The following SLIT3 variants were observed in gnomAD, a reference collection of about 807,000 sequenced individuals.
SLIT3 encodes the protein slit guidance ligand 3, also known as slit homolog 3 protein.
A neutral mutation model predicts 184.0 loss-of-function variants in SLIT3; 68 were observed. That is an observed-to-expected ratio of 0.37 (90% CI 0.30 to 0.45). The LOEUF is 0.45. SLIT3 is among the 20% of genes least tolerant of loss of function. The pLI is 1.00. For missense variants in SLIT3, 1,707 were observed against 2,026.0 expected, an observed-to-expected ratio of 0.84 and a Z score of 3.02; for synonymous variants, 831 against 828.6, an observed-to-expected ratio of 1.00 and a Z score of -0.05.
intron 5 of SLIT3, among the ~76,000 whole-genome samples, chr5:168,868,889 A>G (rs550586173): frequency 1.3e-5 from 2 of 152,310 alleles, no homozygotes; most frequent in African/African-American, 2.4e-5. Context: ...ATCACCAGCT[A>G]GCAAAACAGA....
At chr5:169,104,038 A>G (rs545128111) in intron 4 of SLIT3, among the ~76,000 whole-genome samples, 1 of 152,336 alleles carries the variant, frequency 6.6e-6, no homozygotes, top group South Asian at 2.1e-4. Flanking sequence ...CCAGTTCCAA[A>G]AACAATACTG....
chr5:169,191,741 T>C (rs1031605925), intron 4 of SLIT3, among the ~76,000 whole-genome samples: 1 of 152,096 alleles, frequency 6.6e-6, no homozygotes, highest in Non-Finnish European at 1.5e-5. Context: ...AGACCTGTTA[T>C]CACCACTTGA....
At chr5:168,825,304 T>C (rs1757662300) in intron 6 of SLIT3, among the ~76,000 whole-genome samples, 1 of 152,178 alleles carries the variant, frequency 6.6e-6, no homozygotes. Context: ...CAAGGGGACC[T>C]GTAACAATTC....
chr5:168,739,240 C>T lies in SLIT3; in HGVS notation c.2270+9062G>A, dbSNP rs185615539. Among the ~76,000 whole-genome samples, 41 of 152,186 alleles carry T rather than the reference C, an allele frequency of 2.7e-4. No homozygotes were observed. In the East Asian group the frequency reaches 6.6e-3, roughly 24 times the overall value. On this transcript the variant is annotated intron_variant, in intron 20 of 35. Transcript: ENST00000519560. Reference sequence around the variant, plus strand: ...TGCATGGGGAAAGTTCCATTCAAAGCGTAAGACAGATCGGTAGAGTTATGT... The same window carrying T: ...TGCATGGGGAAAGTTCCATTCAAAGTGTAAGACAGATCGGTAGAGTTATGT...
intron 3 of SLIT3, among the ~76,000 whole-genome samples, chr5:169,230,696 G>GC (rs1764973308): frequency 6.6e-6 from 1 of 152,164 alleles, no homozygotes; most frequent in African/African-American, 2.4e-5. Flanking sequence ...ATTGGATAAT[G>GC]CAATATCTCA....
chr5:168,922,773 A>G (rs941036140), intron 4 of SLIT3, among the ~76,000 whole-genome samples: 7 of 152,144 alleles, frequency 4.6e-5, no homozygotes, highest in Admixed American at 1.3e-4. Context: ...AGGGAGATAA[A>G]TACACAGGTA....
chr5:169,172,905 TAGA>T (rs1297337672), intron 4 of SLIT3, among the ~76,000 whole-genome samples: 3 of 152,188 alleles, frequency 2.0e-5, no homozygotes, highest in Admixed American at 6.5e-5. Context: ...AAGCTAGAGC[TAGA>T]AGAAGTCTTT....
At chr5:168,727,129 G>A (rs1257937315) in intron 20 of SLIT3, among the ~76,000 whole-genome samples, 1 of 152,042 alleles carries the variant, frequency 6.6e-6, no homozygotes, top group East Asian at 1.9e-4. Flanking sequence ...AGAGCAGCCT[G>A]GCCAACATGG....
chr5:168,842,051 A>G (rs1161117396), intron 6 of SLIT3, among the ~76,000 whole-genome samples: 1 of 152,062 alleles, frequency 6.6e-6, no homozygotes, highest in Admixed American at 6.5e-5. Context: ...TTCTTTATGG[A>G]GCCTAAATTG....
chr5:169,188,301 C>T (rs1275979802), intron 4 of SLIT3, among the ~76,000 whole-genome samples: 2 of 152,212 alleles, frequency 1.3e-5, no homozygotes, highest in Non-Finnish European at 2.9e-5. Flanking sequence ...GCCTTCTGCT[C>T]CTTCTAAAGA....
chr5:168,942,964 C>T (rs1289066674), intron 4 of SLIT3, among the ~76,000 whole-genome samples: 2 of 152,146 alleles, frequency 1.3e-5, no homozygotes, highest in Non-Finnish European at 2.9e-5. Flanking sequence ...CACTGCTGAT[C>T]CTAACAAACA....
At chr5:169,181,740 CA>C (rs11452806) in intron 4 of SLIT3, among the ~76,000 whole-genome samples, 9,204 of 141,434 alleles carry the variant, frequency 0.065, 371 homozygotes, top group Middle Eastern at 0.086. Context: ...GACTTCATCT[CA>C]AAAAAAAAAA....
intron 5 of SLIT3, among the ~76,000 whole-genome samples, chr5:168,856,135 A>G (rs1758855437): frequency 6.6e-6 from 1 of 152,182 alleles, no homozygotes; most frequent in Non-Finnish European, 1.5e-5. Context: ...AAAAAGAAAT[A>G]GATAAAAGTG....
intron 4 of SLIT3, among the ~76,000 whole-genome samples, chr5:168,988,614 C>A (rs62378610): frequency 2.0e-5 from 3 of 152,124 alleles, no homozygotes; most frequent in Non-Finnish European, 4.4e-5. Context: ...AGGAAGACTG[C>A]GAGATCTAAC....
chr5:168,957,046 T>C (rs986122612), intron 4 of SLIT3, among the ~76,000 whole-genome samples: 12 of 151,350 alleles, frequency 7.9e-5, no homozygotes, highest in Non-Finnish European at 1.3e-4. Context: ...CTGACCAACA[T>C]GGTGAAACCC....
intron 4 of SLIT3, among the ~76,000 whole-genome samples, chr5:169,123,820 CAG>C (rs1347959710): frequency 3.9e-5 from 6 of 152,156 alleles, no homozygotes; most frequent in Non-Finnish European, 8.8e-5. Context: ...GTCATGGTGA[CAG>C]TGTTTTGGGA....
At chr5:169,175,088 A>G (rs1290413671) in intron 4 of SLIT3, among the ~76,000 whole-genome samples, 1 of 152,204 alleles carries the variant, frequency 6.6e-6, no homozygotes, top group Admixed American at 6.5e-5. Context: ...TACCATAGAC[A>G]ATGAACAATG....
intron 4 of SLIT3, among the ~76,000 whole-genome samples, chr5:169,016,409 T>G (rs1756377092): frequency 1.3e-5 from 2 of 152,200 alleles, no homozygotes; most frequent in Non-Finnish European, 2.9e-5. Context: ...TCATGCTGAT[T>G]ACTGGCGGAG....
At chr5:168,977,715 C>A (rs1754815496) in intron 4 of SLIT3, among the ~76,000 whole-genome samples, 1 of 152,144 alleles carries the variant, frequency 6.6e-6, no homozygotes, top group Admixed American at 6.5e-5. Flanking sequence ...ATTCTAGATG[C>A]CCCACCCCAT....
Sources: allele counts gnomAD v4.1 joint callset (sites outside exome capture counted in the v4.1 genomes callset), GRCh38; gene constraint gnomAD v4.1.1; transcripts MANE v1.5; gene names NCBI Gene and HGNC (gene_info 2026-07-23, HGNC 2026-07-21).